PCDHGB2: variants seen among roughly 807,000 people sequenced by gnomAD.
The protein encoded by PCDHGB2 is protocadherin gamma subfamily B, 2.
In PCDHGB2, 55 loss-of-function variants were observed where a neutral mutation model predicts 59.3. The ratio of observed to expected loss-of-function variants is 0.93; its 90% CI spans 0.75 to 1.16. The LOEUF (loss-of-function observed/expected upper bound fraction) is 1.16, where lower values mean the gene tolerates loss of function less well. Among genes scored for constraint, PCDHGB2 ranks in the 50% most tolerant of loss-of-function variants. The probability of loss-of-function intolerance (pLI) is 0.00; values close to 1 mark genes in which losing one functional copy is unlikely to be tolerated. For missense variants in PCDHGB2, 1,228 were observed against 1,198.5 expected (o/e 1.02, Z -0.36); for synonymous variants, 516 against 512.0 (o/e 1.01, Z -0.11).
chr5:141,409,405 C>G, intron 1 of PCDHGB2: 1 of 1,614,050 alleles, frequency 6.2e-7, no homozygotes, highest in Non-Finnish European at 8.5e-7. Flanking sequence ...CCAATAACTA[C>G]TACAAACTGG....
intron 1 of PCDHGB2, chr5:141,375,781 C>T (rs1381620623): frequency 6.2e-7 from 1 of 1,614,252 alleles, no homozygotes; most frequent in South Asian, 1.1e-5. Flanking sequence ...TGTACCCCGC[C>T]CTCCCCACAG....
chr5:141,365,052 T>G (rs1179156267), intron 1 of PCDHGB2: 2 of 1,613,872 alleles, frequency 1.2e-6, no homozygotes, highest in Admixed American at 1.7e-5. Flanking sequence ...AATGCGCCCC[T>G]GTTCACCCCA....
At chr5:141,478,423 C>A (rs1355847104) in intron 1 of PCDHGB2, 1 of 1,613,672 alleles carries the variant, frequency 6.2e-7, no homozygotes, top group Admixed American at 1.7e-5. Context: ...CCCGCCGCAG[C>A]GACCCGCTGC....
In PCDHGB2 at chr5:141,415,213, G is replaced by A. The variant is rs750613524; in HGVS notation, c.2421+52657G>A. On this transcript the variant is annotated intron_variant, in intron 1 of 3. Coordinates refer to ENST00000522605, the MANE Select transcript of PCDHGB2 (RefSeq NM_018923.3). ...CATCCCCCAAGTCCTGGCGGACCTC[G>A]GCAGCTTCGAGTCTCCAGCTAACTC... 1.9e-6 allele frequency: 3 copies of A among 1,614,074 alleles called. No individual in the cohort carries two copies. In the East Asian group the frequency reaches 6.7e-5, roughly 36 times the overall value.
chr5:141,382,946 T>C (rs1415736753), intron 1 of PCDHGB2: 27 of 1,598,228 alleles, frequency 1.7e-5, no homozygotes, highest in Non-Finnish European at 2.3e-5. Flanking sequence ...TTCTTCCTGC[T>C]CTCCATCCTC....
Position 141,361,341 on chromosome 5 carries a change from C to T in PCDHGB2, c.1206C>T (p.Tyr402=), listed in dbSNP as rs1561523324. ...TGAAATCTTCCTCAAAGAACTATTA[C>T]AAACTAGTGACAGACGGCGCTCTGG... ...FILKSSSKNY[Y]KLVTDGALDR... is the part of the protein sequence containing the mutation. The change falls in exon 1 of 4, where the codon TAC becomes TAT. Residue 402 remains tyrosine, a synonymous_variant. Coordinates refer to ENST00000522605, the MANE Select transcript of PCDHGB2 (RefSeq NM_018923.3). The T allele has an allele frequency of 6.2e-7, 1 of 1,613,988 alleles. No homozygotes were observed. The highest frequency in any genetic ancestry group is 8.5e-7 in the Non-Finnish European group (1 of 1,179,896).
chr5:141,475,731 C>T (rs991175739), intron 1 of PCDHGB2, among the ~76,000 whole-genome samples: 1 of 152,248 alleles, frequency 6.6e-6, no homozygotes, highest in African/African-American at 2.4e-5. Context: ...GGCTGGCTTT[C>T]CCTAAGGTAG....
chr5:141,383,660 A>G (rs748941284), intron 1 of PCDHGB2: 1 of 1,614,030 alleles, frequency 6.2e-7, no homozygotes, highest in South Asian at 1.1e-5. Flanking sequence ...GTCCCCGAGA[A>G]TGTGCCAGTG....
chr5:141,374,856 G>A, intron 1 of PCDHGB2: 1 of 1,613,686 alleles, frequency 6.2e-7, no homozygotes, highest in South Asian at 1.1e-5. Flanking sequence ...CTGCCAGTAG[G>A]CACACCAGTG....
chr5:141,374,535 G>C (rs752542327), intron 1 of PCDHGB2: 2 of 1,613,092 alleles, frequency 1.2e-6, no homozygotes, highest in African/African-American at 1.3e-5. Context: ...CCATCCTCTC[G>C]TTTTCCACTA....
At chr5:141,501,329 ACACACC>A (rs1456568693) in intron 2 of PCDHGB2, among the ~76,000 whole-genome samples, 16 of 148,226 alleles carry the variant, frequency 1.1e-4, no homozygotes, top group Non-Finnish European at 2.2e-4. Context: ...ACACACACAC[ACACACC>A]CCAAACTCAA....
At chr5:141,381,066 C>T (rs1178029702) in intron 1 of PCDHGB2, among the ~76,000 whole-genome samples, 1 of 152,200 alleles carries the variant, frequency 6.6e-6, no homozygotes, top group Non-Finnish European at 1.5e-5. Context: ...GCAAAGATAA[C>T]TATGGATTAT....
chr5:141,502,468 C>A (rs1007796183), intron 2 of PCDHGB2, among the ~76,000 whole-genome samples: 6 of 151,190 alleles, frequency 4.0e-5, no homozygotes, highest in Non-Finnish European at 8.8e-5. Flanking sequence ...GGAATACTTC[C>A]CGCAGCATCA....
At chr5:141,473,750 G>C (rs777343462) in intron 1 of PCDHGB2, among the ~76,000 whole-genome samples, 1 of 152,192 alleles carries the variant, frequency 6.6e-6, no homozygotes, top group Non-Finnish European at 1.5e-5. Context: ...TGAGAACTTG[G>C]ATACTATGCA....
At chr5:141,427,914 A>C in intron 1 of PCDHGB2, 1 of 1,576,800 alleles carries the variant, frequency 6.3e-7, no homozygotes, top group Non-Finnish European at 8.7e-7. Flanking sequence ...CAGCGCCAAC[A>C]TGAGCCGGCG....
Position 141,494,872 on chromosome 5 carries a change from G to A in PCDHGB2, c.2480+7G>A. On this transcript the variant is annotated splice_region_variant and intron_variant, in intron 2 of 3. Transcript: ENST00000522605. ...AGAGACCCGGCACCAGCGGGTAGGT[G>A]ACTGATTCTCCAGCCCACCCTCTTC... 1 of 1,614,128 alleles carries A rather than the reference G, an allele frequency of 6.2e-7. No individual in the cohort carries two copies. Among genetic ancestry groups the A allele is most frequent in the South Asian group, 1.1e-5 (1 of 91,074 alleles).
At chr5:141,414,706 A>G in intron 1 of PCDHGB2, 1 of 1,614,002 alleles carries the variant, frequency 6.2e-7, no homozygotes, top group South Asian at 1.1e-5. Context: ...ATACATATCC[A>G]TCAACTCAGA....
At chr5:141,398,384 T>A (rs1413881140) in intron 1 of PCDHGB2, 1 of 1,454,330 alleles carries the variant, frequency 6.9e-7, no homozygotes, top group East Asian at 2.3e-5. Context: ...GAGTTGCTTG[T>A]GAGCAGCAGG....
intron 1 of PCDHGB2, chr5:141,426,336 C>T (rs779025306): frequency 1.7e-4 from 31 of 187,682 alleles, no homozygotes; most frequent in Non-Finnish European, 2.8e-4. Context: ...GGCAAGCACT[C>T]TTCCCTTTCC....
Sources: gnomAD v4.1 joint callset for allele counts (sites outside exome capture counted in the v4.1 genomes callset) on GRCh38, gnomAD v4.1.1 for gene constraint, MANE v1.5 for transcripts, NCBI Gene and HGNC (gene_info 2026-07-23, HGNC 2026-07-21) for gene names.